The following ZBTB24 variants were observed in gnomAD, a reference collection of about 807,000 sequenced individuals.
ZBTB24 encodes the protein zinc finger and BTB domain-containing protein 24.
In ZBTB24, 32 loss-of-function variants were observed where a neutral mutation model predicts 53.8. The observed-to-expected ratio is 0.60, with a 90% confidence interval of 0.45 to 0.80. The LOEUF (loss-of-function observed/expected upper bound fraction) is 0.80. Ranked by LOEUF, ZBTB24 falls within the 30% of genes least tolerant of loss-of-function variation. The pLI is 0.00. For missense variants in ZBTB24, 722 were observed against 837.1 expected (o/e 0.86, Z 1.70); for synonymous variants, 297 against 306.7 (o/e 0.97, Z 0.33).
chr6:109,478,170 A>G (rs932460878), intron 2 of ZBTB24, among the ~76,000 whole-genome samples: 1 of 152,216 alleles, frequency 6.6e-6, no homozygotes, highest in Non-Finnish European at 1.5e-5. Context: ...TCCGTGATTT[A>G]GCAGAAGATA....
intron 5 of ZBTB24, among the ~76,000 whole-genome samples, chr6:109,472,251 T>C (rs1293101092): frequency 6.6e-6 from 1 of 152,142 alleles, no homozygotes; most frequent in Non-Finnish European, 1.5e-5. Flanking sequence ...TGGGTCATAG[T>C]TGCTGCTCTT....
chr6:109,474,992 G>A (rs1243862600), intron 5 of ZBTB24, among the ~76,000 whole-genome samples: 1 of 147,508 alleles, frequency 6.8e-6, no homozygotes, highest in Admixed American at 6.8e-5. Context: ...GTGGTGAGCT[G>A]TGATCGTGCC....
At chr6:109,476,739 G>T (rs1337286771) in intron 3 of ZBTB24, 24 bp downstream of exon 3, 1 of 1,609,586 alleles carries the variant, frequency 6.2e-7, no homozygotes, top group Non-Finnish European at 8.5e-7. Context: ...TGGTGAAGCT[G>T]GCCCTCTGGG....
intron 5 of ZBTB24, among the ~76,000 whole-genome samples, chr6:109,470,111 G>A (rs1053571397): frequency 6.6e-5 from 10 of 152,206 alleles, no homozygotes; most frequent in Non-Finnish European, 8.8e-5. Context: ...GGAGGCAGAC[G>A]GAGAAGGATA....
chr6:109,478,891 T>C (rs1292911833), intron 2 of ZBTB24, among the ~76,000 whole-genome samples: 1 of 150,062 alleles, frequency 6.7e-6, no homozygotes, highest in African/African-American at 2.4e-5. Flanking sequence ...AACATGCTCA[T>C]AGAGGTAAGA....
chr6:109,466,011 A>G lies in ZBTB24; in HGVS notation c.1934T>C (p.Leu645Pro). Residue 645 changes from leucine (L) to proline (P), a missense_variant, in exon 7 of 7, where the codon CTG becomes CCG. By Grantham distance (98) the Leu-to-Pro change is moderately conservative (BLOSUM62 -3). Transcript: ENST00000230122. ...CTCTTGATGGGCATGAAGATGTTCC[A>G]GTGTTTCCTTGGACAGAGTGATCAC... is the stretch of plus-strand genomic sequence containing the variant. ...VHVITLSKETLEHLHAHQEQT... is the reference protein window; with the variant it reads ...VHVITLSKETPEHLHAHQEQT... 1 of 1,614,190 alleles carries G rather than the reference A, an allele frequency of 6.2e-7. No individual in the cohort carries two copies. Among genetic ancestry groups the G allele is most frequent in the Non-Finnish European group, 8.5e-7 (1 of 1,180,038 alleles).
Position 109,465,578 on chromosome 6 carries a change from GA to G in ZBTB24, c.*272del. ...AAAAACTGAGATCAATGCCCCCAAA[GA>G]AAAACTACCCGAGTCTTTATGAGAC... is the stretch of plus-strand genomic sequence containing the variant. On this transcript the variant is annotated 3_prime_UTR_variant, in exon 7 of 7. Transcript: ENST00000230122. 1 of 1,434,156 alleles carries G rather than the reference GA, an allele frequency of 7.0e-7. No individual in the cohort carries two copies. The highest frequency in any genetic ancestry group is 9.4e-7 in the Non-Finnish European group (1 of 1,063,998). The allele number at this position is 1,434,156 out of a possible 1,614,324, so 88.8% of individuals were successfully genotyped here.
chr6:109,479,655 G>A (rs564909174), intron 2 of ZBTB24, among the ~76,000 whole-genome samples: 61 of 152,308 alleles, frequency 4.0e-4, no homozygotes, highest in African/African-American at 1.4e-3. Context: ...AGTGGCGCAC[G>A]CCTGTAATCC....
chr6:109,481,855 T>A lies in ZBTB24; in HGVS notation c.172A>T (p.Ser58Cys). ...AACATCATTGAGAAGTATTCACTAC[T>A]GGCAGCAAGTAAGGCTTTGTGGGCC... is the stretch of plus-strand genomic sequence containing the variant. The part of the protein sequence containing the change: ...FRAHKALLAA[S>C]SEYFSMMFAE... Residue 58 changes from serine (S) to cysteine (C), a missense_variant, in exon 2 of 7, where the codon AGT becomes TGT. Transcript: ENST00000230122. 1.2e-6 allele frequency: 2 copies of A among 1,614,238 alleles called. No homozygotes were observed. The highest frequency in any genetic ancestry group is 1.7e-6 in the Non-Finnish European group (2 of 1,180,038).
Position 109,481,935 on chromosome 6 carries a change from C to T in ZBTB24, c.92G>A (p.Arg31Lys). The stretch of plus-strand genomic sequence containing the variant: ...AATGTCACAGAGGAAGCCTTTCTTC[C>T]TCTGATCCTCAAAACTGGCCAGCAC... The part of the protein sequence containing the change: ...DTVLASFEDQ[R>K]KKGFLCDITL... The change falls in exon 2 of 7, where the codon AGG becomes AAG. Residue 31 changes from arginine to lysine, a missense_variant. By Grantham distance (26) the Arg-to-Lys change is conservative. Coordinates refer to ENST00000230122, the MANE Select transcript of ZBTB24 (RefSeq NM_014797.3). 2 of 1,614,182 alleles carry T rather than the reference C, an allele frequency of 1.2e-6. No individual in the cohort carries two copies. Among genetic ancestry groups the T allele is most frequent in the Non-Finnish European group, 8.5e-7 (1 of 1,180,020 alleles).
chr6:109,466,891 T>C (rs1305584776), intron 6 of ZBTB24, among the ~76,000 whole-genome samples: 4 of 152,178 alleles, frequency 2.6e-5, no homozygotes, highest in Non-Finnish European at 4.4e-5. Context: ...AACATATAGT[T>C]CTCTTTTGTT....
chr6:109,479,054 G>A (rs1363499300), intron 2 of ZBTB24, among the ~76,000 whole-genome samples: 1 of 152,082 alleles, frequency 6.6e-6, no homozygotes, highest in Non-Finnish European at 1.5e-5. Context: ...CAAAAATGAT[G>A]GAAAATATAA....
Position 109,467,736 on chromosome 6 carries a change from T to TAAAAA in ZBTB24, c.1289-7_1289-3dup. Reference sequence around the variant, plus strand: ...TTTCACAAGTAAATGGCTTCTCACCTAAAAAAAACAAAAACAAAAACAAAA... The same window carrying TAAAAA: ...TTTCACAAGTAAATGGCTTCTCACCTAAAAAAAAAAAAACAAAAACAAAAACAAAA... On this transcript the variant is annotated splice_polypyrimidine_tract_variant and splice_region_variant and intron_variant, in intron 5 of 6. Transcript: ENST00000230122. 6.2e-7 allele frequency: 1 copy of TAAAAA among 1,612,342 alleles called. No individual in the cohort carries two copies. Among genetic ancestry groups the TAAAAA allele is most frequent in the African/African-American group, 1.3e-5 (1 of 74,704 alleles).
In ZBTB24 at chr6:109,481,683, A is replaced by G; in HGVS notation, c.344T>C (p.Phe115Ser). The G allele has an allele frequency of 1.2e-6, 2 of 1,614,242 alleles. No individual in the cohort carries two copies. Among genetic ancestry groups the G allele is most frequent in the Non-Finnish European group, 1.7e-6 (2 of 1,180,048 alleles). The change falls in exon 2 of 7, where the codon TTC becomes TCC. Residue 115 changes from phenylalanine (F) to serine (S), a missense_variant. Transcript: ENST00000230122. The part of the protein sequence containing the change: ...STEQILATAQ[F>S]LKVYDLVKAY... ...CTTTACCAGGTCATAGACTTTTAAG[A>G]ACTGAGCAGTAGCCAGGATTTGTTC...
chr6:109,476,066 T>C, intron 4 of ZBTB24, 109 bp downstream of exon 4: 1 of 1,227,038 alleles, frequency 8.1e-7, no homozygotes, highest in Non-Finnish European at 1.2e-6. Context: ...CTAAATACCC[T>C]ATGTGAACGA....
In ZBTB24 at chr6:109,465,461, A is replaced by C. The variant is rs965675766; in HGVS notation, c.*390T>G. The stretch of plus-strand genomic sequence containing the variant: ...CAAACCATTCTGCCCAGTTCAACCA[A>C]AATGACTCCCTTTGTCCTAGAAAAC... On this transcript the variant is annotated 3_prime_UTR_variant, in exon 7 of 7. Coordinates refer to ENST00000230122, the MANE Select transcript of ZBTB24 (RefSeq NM_014797.3). 3 of 612,912 alleles carry C rather than the reference A, an allele frequency of 4.9e-6. No homozygotes were observed. In the African/African-American group the frequency reaches 5.5e-5, roughly 11 times the overall value. 38.0% of individuals were successfully genotyped at this position (612,912 alleles called of 1,614,324 possible).
chr6:109,477,718 G>A (rs984065836), intron 2 of ZBTB24, among the ~76,000 whole-genome samples: 3 of 152,210 alleles, frequency 2.0e-5, no homozygotes, highest in Non-Finnish European at 2.9e-5. Context: ...CACAGGGAGA[G>A]TAAGTCAACA....
intron 4 of ZBTB24, 34 bp downstream of exon 4, chr6:109,476,141 C>T: frequency 6.3e-7 from 1 of 1,599,306 alleles, no homozygotes; most frequent in Non-Finnish European, 8.6e-7. Flanking sequence ...TGCATTTCTT[C>T]CCCCCCAATC....
intron 5 of ZBTB24, among the ~76,000 whole-genome samples, chr6:109,470,554 A>T (rs1312800693): frequency 6.6e-6 from 1 of 152,148 alleles, no homozygotes; most frequent in Non-Finnish European, 1.5e-5. Flanking sequence ...GTTAATGACA[A>T]CATCACCCAG....
Sources: allele counts gnomAD v4.1 joint callset (sites outside exome capture counted in the v4.1 genomes callset), GRCh38; gene constraint gnomAD v4.1.1; transcripts MANE v1.5; gene names NCBI Gene and HGNC (gene_info 2026-07-23, HGNC 2026-07-21).